The following UNC5B variants were observed in gnomAD, a reference collection of about 807,000 sequenced individuals.
UNC5B encodes the protein netrin receptor UNC5B.
A neutral mutation model predicts 103.7 loss-of-function variants in UNC5B; 56 were observed. The ratio of observed to expected loss-of-function variants is 0.54; its 90% CI spans 0.44 to 0.67. The LOEUF (loss-of-function observed/expected upper bound fraction) is 0.67, where lower values mean the gene tolerates loss of function less well. UNC5B is among the 30% of genes least tolerant of loss of function. The pLI, the probability that UNC5B is intolerant of heterozygous loss-of-function variation, is 0.00. For synonymous variants in UNC5B, 577 were observed against 542.0 expected, an observed-to-expected ratio of 1.06 and a Z score of -0.90; for missense variants, 1,194 against 1,284.5, an observed-to-expected ratio of 0.93 and a Z score of 1.08.
intron 1 of UNC5B, among the ~76,000 whole-genome samples, chr10:71,258,664 C>T (rs1844346508): frequency 6.6e-6 from 1 of 152,212 alleles, no homozygotes; most frequent in South Asian, 2.1e-4. Context: ...ACACAGCTAG[C>T]GACATCCCAA....
chr10:71,253,914 C>A (rs1338969690), intron 1 of UNC5B, among the ~76,000 whole-genome samples: 1 of 152,088 alleles, frequency 6.6e-6, no homozygotes, highest in Non-Finnish European at 1.5e-5. Context: ...GTCCCAGGGA[C>A]CCCCTTCTGG....
chr10:71,249,534 G>A (rs79076797), intron 1 of UNC5B, among the ~76,000 whole-genome samples: 2,599 of 152,254 alleles, frequency 0.017, 54 homozygotes, highest in African/African-American at 0.056. Flanking sequence ...CCTCTGTGCC[G>A]AGACCATGCT....
At chr10:71,273,953 CA>C (rs1844705460) in intron 1 of UNC5B, among the ~76,000 whole-genome samples, 1 of 152,184 alleles carries the variant, frequency 6.6e-6, no homozygotes, top group South Asian at 2.1e-4. Context: ...GTGAGAGGTG[CA>C]AAACTGTGTC....
At chr10:71,262,735 A>T (rs943645620) in intron 1 of UNC5B, among the ~76,000 whole-genome samples, 1 of 152,124 alleles carries the variant, frequency 6.6e-6, no homozygotes, top group Non-Finnish European at 1.5e-5. Context: ...ATTACCCTCT[A>T]GTCACCCCAG....
intron 1 of UNC5B, among the ~76,000 whole-genome samples, chr10:71,236,548 A>G (rs868729889): frequency 1.3e-5 from 2 of 152,178 alleles, no homozygotes; most frequent in African/African-American, 2.4e-5. Context: ...GCAGAGGCCC[A>G]TTTAGAAAGT....
At chr10:71,293,999 C>T (rs1845343659) in intron 13 of UNC5B, 66 bp downstream of exon 13, 3 of 1,432,794 alleles carry the variant, frequency 2.1e-6, no homozygotes, top group Admixed American at 2.2e-5. Context: ...GCCAGAATCC[C>T]CCACCCCAGG....
At chr10:71,265,897 T>G (rs563500563) in intron 1 of UNC5B, among the ~76,000 whole-genome samples, 55 of 152,278 alleles carry the variant, frequency 3.6e-4, no homozygotes, top group African/African-American at 1.3e-3. Flanking sequence ...CCACACTTTC[T>G]TTCACACCTC....
intron 1 of UNC5B, among the ~76,000 whole-genome samples, chr10:71,214,965 T>C (rs1392110393): frequency 1.3e-5 from 2 of 152,142 alleles, no homozygotes; most frequent in South Asian, 4.1e-4. Flanking sequence ...CATTACTTAG[T>C]GCGGCAGTAG....
intron 2 of UNC5B, among the ~76,000 whole-genome samples, chr10:71,281,576 G>A (rs776803249): frequency 2.6e-5 from 4 of 152,220 alleles, no homozygotes; most frequent in African/African-American, 4.8e-5. Flanking sequence ...TCCTGACCTC[G>A]TGATCCCCCG....
chr10:71,293,432 A>G lies in UNC5B; in HGVS notation c.1800A>G (p.Val600=). The G allele has an allele frequency of 1.2e-6, 2 of 1,613,872 alleles. No homozygotes were observed. Among genetic ancestry groups the G allele is most frequent in the Non-Finnish European group, 1.7e-6 (2 of 1,179,968 alleles). ...CGCTTTCAGAAGGGACCCAGACAGT[A>G]TTGAGCCCCTCGGTGACCTGTGGAC... ...TLPLSEGTQT[V]LSPSVTCGPT... Residue 600 remains valine (V), a synonymous_variant, in exon 12 of 17, where the codon GTA becomes GTG. Coordinates refer to ENST00000335350, the MANE Select transcript of UNC5B (RefSeq NM_170744.5).
chr10:71,221,168 A>T (rs1843444920), intron 1 of UNC5B, among the ~76,000 whole-genome samples: 1 of 152,190 alleles, frequency 6.6e-6, no homozygotes, highest in Admixed American at 6.5e-5. Context: ...CACCGAAGCC[A>T]TAAATCACCC....
At chr10:71,251,177 C>T (rs779423206) in intron 1 of UNC5B, among the ~76,000 whole-genome samples, 4 of 152,064 alleles carry the variant, frequency 2.6e-5, no homozygotes, top group African/African-American at 4.8e-5. Flanking sequence ...GAGGTTACCC[C>T]GCTGCTTGCT....
intron 3 of UNC5B, 143 bp from the exon 4 acceptor site, chr10:71,285,183 A>T (rs1442628632): frequency 2.0e-5 from 18 of 905,808 alleles, no homozygotes; most frequent in Non-Finnish European, 2.9e-5. Context: ...CCTTTGGAGA[A>T]GAGGAAATTT....
chr10:71,276,061 A>G (rs1041883532), intron 1 of UNC5B, among the ~76,000 whole-genome samples: 1 of 152,084 alleles, frequency 6.6e-6, no homozygotes, highest in African/African-American at 2.4e-5. Context: ...ATGGGATAAA[A>G]ATATATTTTT....
intron 1 of UNC5B, among the ~76,000 whole-genome samples, chr10:71,248,759 A>T (rs977268763): frequency 6.6e-6 from 1 of 152,030 alleles, no homozygotes; most frequent in Non-Finnish European, 1.5e-5. Flanking sequence ...TACACAGCAG[A>T]GGATGCCTGA....
intron 1 of UNC5B, among the ~76,000 whole-genome samples, chr10:71,216,152 C>G (rs533687317): frequency 6.6e-6 from 1 of 152,156 alleles, no homozygotes; most frequent in South Asian, 2.1e-4. Flanking sequence ...TGGGACTCAC[C>G]GGTAGCGCCA....
chr10:71,217,757 A>G (rs976574637), intron 1 of UNC5B: 1 of 142,496 alleles, frequency 7.0e-6, no homozygotes, highest in Admixed American at 7.0e-5. Context: ...GCTGGGCGCC[A>G]GAATTTACCT....
chr10:71,243,270 C>T (rs951576933), intron 1 of UNC5B, among the ~76,000 whole-genome samples: 1 of 152,002 alleles, frequency 6.6e-6, no homozygotes, highest in Admixed American at 6.6e-5. Context: ...CTGGGGGCTG[C>T]TTTAGGGCCA....
intron 1 of UNC5B, among the ~76,000 whole-genome samples, chr10:71,238,927 C>T (rs932583972): frequency 6.6e-6 from 1 of 152,138 alleles, no homozygotes; most frequent in Admixed American, 6.5e-5. Flanking sequence ...TACAGGTGTG[C>T]ACCATCATGC....
Sources: gnomAD v4.1 joint callset for allele counts (sites outside exome capture counted in the v4.1 genomes callset) on GRCh38, gnomAD v4.1.1 for gene constraint, MANE v1.5 for transcripts, NCBI Gene and HGNC (gene_info 2026-07-23, HGNC 2026-07-21) for gene names.